ARHGAP24: variants seen among roughly 807,000 people sequenced by gnomAD.
ARHGAP24 encodes the protein Rho GTPase activating protein 24.
A neutral mutation model predicts 76.4 loss-of-function variants in ARHGAP24; 50 were observed. The observed-to-expected ratio is 0.65, with a 90% CI of 0.52 to 0.83. The LOEUF is 0.83. Ranked by LOEUF, ARHGAP24 falls within the 40% of genes least tolerant of loss-of-function variation. The pLI, the probability that ARHGAP24 is intolerant of heterozygous loss-of-function variation, is 0.00. For missense variants in ARHGAP24, 930 were observed against 914.2 expected (o/e 1.02, Z -0.22); for synonymous variants, 345 against 323.3 (o/e 1.07, Z -0.72).
In ARHGAP24 at chr4:85,898,367, A is replaced by T. The variant is rs78634628; in HGVS notation, c.269-25281A>T. On this transcript the variant is annotated intron_variant, in intron 3 of 9. Coordinates refer to ENST00000395184, the MANE Select transcript of ARHGAP24 (RefSeq NM_001025616.3). ...TTCTTCCTCTCCCTTAGCGTAGATC[A>T]CTAGCAGCTTCATGCCTAAACTAGG... Among the ~76,000 whole-genome samples, 13 of 152,224 alleles carry T rather than the reference A, an allele frequency of 8.5e-5. No homozygotes were observed. In the East Asian group the frequency reaches 2.5e-3, roughly 29 times the overall value.
At chr4:85,990,974 G>C (rs187828652) in intron 8 of ARHGAP24, 2 of 152,010 alleles carry the variant, frequency 1.3e-5, no homozygotes, top group East Asian at 3.9e-4. Flanking sequence ...AGCCTTTTTG[G>C]AAATGGAGAC....
chr4:85,680,061 G>A (rs770368016), intron 2 of ARHGAP24, among the ~76,000 whole-genome samples: 1 of 152,120 alleles, frequency 6.6e-6, no homozygotes, highest in Non-Finnish European at 1.5e-5. Context: ...CCAAAATGTA[G>A]CATGGTCATG....
chr4:85,600,848 A>C (rs995564220), intron 2 of ARHGAP24, among the ~76,000 whole-genome samples: 1 of 152,210 alleles, frequency 6.6e-6, no homozygotes, highest in African/African-American at 2.4e-5. Flanking sequence ...AAATTGATGC[A>C]TGCCTTGAAA....
At chr4:85,551,532 G>C (rs13134927) in intron 1 of ARHGAP24, among the ~76,000 whole-genome samples, 2 of 152,250 alleles carry the variant, frequency 1.3e-5, no homozygotes, top group African/African-American at 4.8e-5. Context: ...TTTGGTATCA[G>C]AATGATGCTG....
chr4:85,978,370 A>C (rs1013982864), intron 8 of ARHGAP24, among the ~76,000 whole-genome samples: 16 of 152,168 alleles, frequency 1.1e-4, no homozygotes, highest in Non-Finnish European at 2.4e-4. Context: ...TGTCCCCCTC[A>C]GTCACCTGGA....
intron 1 of ARHGAP24, among the ~76,000 whole-genome samples, chr4:85,489,126 C>T (rs1723262372): frequency 6.6e-6 from 1 of 152,168 alleles, no homozygotes; most frequent in Non-Finnish European, 1.5e-5. Flanking sequence ...ATTTTATGAT[C>T]TTCATGTGCC....
intron 3 of ARHGAP24, among the ~76,000 whole-genome samples, chr4:85,780,782 A>G (rs956488932): frequency 1.3e-5 from 2 of 152,260 alleles, no homozygotes; most frequent in African/African-American, 4.8e-5. Context: ...TTGGGTGCTC[A>G]GGAGACACTT....
intron 4 of ARHGAP24, among the ~76,000 whole-genome samples, chr4:85,931,304 GA>G (rs1298206739): frequency 1.3e-5 from 2 of 152,088 alleles, no homozygotes; most frequent in Non-Finnish European, 2.9e-5. Context: ...ACTGACAGGG[GA>G]CTAAGTAAGC....
intron 3 of ARHGAP24, among the ~76,000 whole-genome samples, chr4:85,771,851 G>A (rs778518557): frequency 2.6e-4 from 40 of 151,992 alleles, no homozygotes; most frequent in African/African-American, 8.9e-4. Context: ...GTGGGACTAC[G>A]GGTGCGCACC....
chr4:85,698,496 A>G (rs1723952392), intron 2 of ARHGAP24, among the ~76,000 whole-genome samples: 1 of 152,220 alleles, frequency 6.6e-6, no homozygotes. Context: ...ACTTCTCTAT[A>G]TAACATCCTT....
chr4:85,681,736 T>G (rs1723210834), intron 2 of ARHGAP24, among the ~76,000 whole-genome samples: 1 of 152,218 alleles, frequency 6.6e-6, no homozygotes, highest in African/African-American at 2.4e-5. Context: ...CTCTACAGGA[T>G]CTTCATGGAG....
chr4:85,836,588 G>A (rs1730302589), intron 3 of ARHGAP24, among the ~76,000 whole-genome samples: 2 of 152,232 alleles, frequency 1.3e-5, no homozygotes, highest in Admixed American at 1.3e-4. Flanking sequence ...CTACCACTTT[G>A]ACCTGTAAAG....
At chr4:85,855,752 T>C (rs1001475834) in intron 3 of ARHGAP24, among the ~76,000 whole-genome samples, 3 of 138,430 alleles carry the variant, frequency 2.2e-5, no homozygotes, top group Non-Finnish European at 1.5e-5. Flanking sequence ...CACTCCAGCC[T>C]GGGCAATAAA....
At chr4:85,733,725 G>A (rs150300313) in intron 3 of ARHGAP24, among the ~76,000 whole-genome samples, 2 of 152,108 alleles carry the variant, frequency 1.3e-5, no homozygotes, top group Non-Finnish European at 2.9e-5. Flanking sequence ...GTCTTCACAG[G>A]GTCTTCCCTC....
At chr4:85,747,039 T>A (rs1726067777) in intron 3 of ARHGAP24, among the ~76,000 whole-genome samples, 1 of 152,182 alleles carries the variant, frequency 6.6e-6, no homozygotes, top group African/African-American at 2.4e-5. Context: ...GGGACATCAC[T>A]GCCAGTCAGT....
At chr4:85,824,758 G>C (rs1356419162) in intron 3 of ARHGAP24, among the ~76,000 whole-genome samples, 1 of 152,090 alleles carries the variant, frequency 6.6e-6, no homozygotes, top group East Asian at 1.9e-4. Context: ...TTCTGCCATG[G>C]TAATTACACT....
intron 2 of ARHGAP24, among the ~76,000 whole-genome samples, chr4:85,710,346 A>T (rs1724479345): frequency 6.6e-6 from 1 of 152,218 alleles, no homozygotes; most frequent in South Asian, 2.1e-4. Flanking sequence ...CATATACAAA[A>T]ATCAACTCAA....
intron 2 of ARHGAP24, among the ~76,000 whole-genome samples, chr4:85,683,884 T>C (rs1166871069): frequency 6.6e-6 from 1 of 152,206 alleles, no homozygotes; most frequent in Non-Finnish European, 1.5e-5. Flanking sequence ...TTATTTAACT[T>C]AGCATAATGT....
chr4:85,631,946 A>G (rs1244680990), intron 2 of ARHGAP24, among the ~76,000 whole-genome samples: 1 of 152,102 alleles, frequency 6.6e-6, no homozygotes, highest in African/African-American at 2.4e-5. Flanking sequence ...ACTCTAATGT[A>G]ACTAGAATAC....
Sources: allele counts gnomAD v4.1 joint callset (sites outside exome capture counted in the v4.1 genomes callset), GRCh38; gene constraint gnomAD v4.1.1; transcripts MANE v1.5; gene names NCBI Gene and HGNC (gene_info 2026-07-23, HGNC 2026-07-21).